Variants in MBOAT1 observed in about 807,000 individuals in gnomAD.
MBOAT1 encodes membrane bound glycerophospholipid O-acyltransferase 1.
In MBOAT1, 67 loss-of-function variants were observed where a neutral mutation model predicts 64.4. That is an observed-to-expected ratio of 1.04 (90% CI 0.85 to 1.27). MBOAT1 has a LOEUF of 1.27. Ranked by LOEUF, MBOAT1 falls within the 50% of genes most tolerant of loss-of-function variation. The pLI is 0.00. For synonymous variants in MBOAT1, 229 were observed against 218.9 expected, an observed-to-expected ratio of 1.05 and a Z score of -0.41; for missense variants, 563 against 604.6, an observed-to-expected ratio of 0.93 and a Z score of 0.72.
At position 20,102,279 on chromosome 6, in the gene MBOAT1, G is replaced by A. The variant is rs371867829; in HGVS notation, c.*7C>T. 1.2e-5 allele frequency: 19 copies of A among 1,612,564 alleles called. No individual in the cohort carries two copies. Among genetic ancestry groups the A allele is most frequent in the African/African-American group, 4.0e-5 (3 of 74,804 alleles). On this transcript the variant is annotated 3_prime_UTR_variant, in exon 13 of 13. Coordinates refer to ENST00000324607, the MANE Select transcript of MBOAT1 (RefSeq NM_001080480.3). Reference sequence around the variant, plus strand: ...CAGTTTTGCTTGTTCCGCTTCTCTTGGAGGTATCAATCTGTTTTTCTCTTA... The same window carrying A: ...CAGTTTTGCTTGTTCCGCTTCTCTTAGAGGTATCAATCTGTTTTTCTCTTA...
Position 20,111,838 on chromosome 6 carries a change from A to G in MBOAT1, c.1209+1038T>C, listed in dbSNP as rs999632587. Among the ~76,000 whole-genome samples the G allele has an allele frequency of 3.2e-3, 415 of 129,704 alleles. 6 individuals are homozygous for G. The highest frequency in any genetic ancestry group is 0.013 in the African/African-American group (392 of 29,992). 85.1% of individuals were successfully genotyped at this position (129,704 alleles called of 152,430 possible). A position where few individuals can be genotyped will look rare whatever the true frequency, so the allele number is the denominator to read the frequency against. Reference sequence around the variant, plus strand: ...TACATATATATACATATATATACACATATATATACATATATATATACATAT... The same window carrying G: ...TACATATATATACATATATATACACGTATATATACATATATATATACATAT... On this transcript the variant is annotated intron_variant, in intron 11 of 12. Transcript: ENST00000324607.
intron 1 of MBOAT1, among the ~76,000 whole-genome samples, chr6:20,177,791 AC>A (rs144290882): frequency 1.2e-3 from 73 of 59,138 alleles, no homozygotes; most frequent in African/African-American, 2.1e-3. Flanking sequence ...AAAAAAAAAA[AC>A]AAAAAACTTG....
At chr6:20,125,259 T>TA (rs1201104794) in intron 7 of MBOAT1, among the ~76,000 whole-genome samples, 2 of 151,984 alleles carry the variant, frequency 1.3e-5, no homozygotes, top group Admixed American at 6.5e-5. Flanking sequence ...TCCGACTTCA[T>TA]AAAAAAAAGA....
At chr6:20,157,924 G>A (rs1213836368) in intron 1 of MBOAT1, among the ~76,000 whole-genome samples, 1 of 152,008 alleles carries the variant, frequency 6.6e-6, no homozygotes, top group African/African-American at 2.4e-5. Flanking sequence ...GGGAGGCCAA[G>A]GCGCGCGGAT....
At chr6:20,179,740 T>C (rs1218372973) in intron 1 of MBOAT1, among the ~76,000 whole-genome samples, 1 of 152,214 alleles carries the variant, frequency 6.6e-6, no homozygotes, top group Non-Finnish European at 1.5e-5. Flanking sequence ...CACCACACTA[T>C]CTTCCACAAT....
rs778092455 is a variant in MBOAT1 at position 20,115,920 on chromosome 6, C to T, written c.1012-568G>A. On this transcript the variant is annotated intron_variant, in intron 9 of 12. Coordinates refer to ENST00000324607, the MANE Select transcript of MBOAT1 (RefSeq NM_001080480.3). ...GGAAAGGAAACAAATATCACCCAACCGGCAGTGGCGCAAGCAAATCAACCA... is the reference window on the plus strand; with the variant it reads ...GGAAAGGAAACAAATATCACCCAACTGGCAGTGGCGCAAGCAAATCAACCA... Among the ~76,000 whole-genome samples the T allele has an allele frequency of 3.2e-4, 48 of 151,916 alleles. 1 individual carries two copies. The highest frequency in any genetic ancestry group is 9.9e-4 in the African/African-American group (41 of 41,432).
At chr6:20,161,676 G>A (rs1027957650) in intron 1 of MBOAT1, among the ~76,000 whole-genome samples, 6 of 152,112 alleles carry the variant, frequency 3.9e-5, no homozygotes, top group South Asian at 2.1e-4. Flanking sequence ...AGAACAAAAC[G>A]GTTAAGTGCA....
chr6:20,184,765 C>T (rs1228027983), intron 1 of MBOAT1, among the ~76,000 whole-genome samples: 2 of 152,070 alleles, frequency 1.3e-5, no homozygotes, highest in East Asian at 3.9e-4. Context: ...CTTCCCTCAT[C>T]CTTACCCTCC....
At chr6:20,184,215 C>CACCCAT (rs1306239606) in intron 1 of MBOAT1, among the ~76,000 whole-genome samples, 1 of 152,196 alleles carries the variant, frequency 6.6e-6, no homozygotes, top group East Asian at 1.9e-4. Flanking sequence ...GCATCAGGCC[C>CACCCAT]ACCCATGAGG....
At chr6:20,203,090 G>C (rs1763167505) in intron 1 of MBOAT1, among the ~76,000 whole-genome samples, 1 of 152,154 alleles carries the variant, frequency 6.6e-6, no homozygotes. Flanking sequence ...GATCACTTAA[G>C]CCCAGGAGTT....
chr6:20,122,314 C>T (rs1412493762), intron 8 of MBOAT1, among the ~76,000 whole-genome samples: 1 of 152,112 alleles, frequency 6.6e-6, no homozygotes, highest in African/African-American at 2.4e-5. Flanking sequence ...ACTACTGAAC[C>T]TTCCCTAGTG....
At position 20,157,170 on chromosome 6, in the gene MBOAT1, T is replaced by C. The variant is rs528093119; in HGVS notation, c.100-4401A>G. ...AGCTGGGCATGATAGTGAAAGCCTG[T>C]AATCCTAGTTACTCAGGAGGCTGAG... On this transcript the variant is annotated intron_variant, in intron 1 of 12. Transcript: ENST00000324607. 5.0e-4 allele frequency among the ~76,000 whole-genome samples: 76 copies of C among 152,284 alleles called. 1 individual carries two copies. Among genetic ancestry groups the C allele is most frequent in the African/African-American group, 1.8e-3 (74 of 41,558 alleles).
chr6:20,152,339 T>TAAAAAA (rs67093680), intron 2 of MBOAT1, among the ~76,000 whole-genome samples: 11 of 136,068 alleles, frequency 8.1e-5, no homozygotes, highest in African/African-American at 3.0e-4. Flanking sequence ...AAAAAAAAAA[T>TAAAAAA]AAAAAATAAA....
chr6:20,177,584 TACCACG>T (rs886106007), intron 1 of MBOAT1, among the ~76,000 whole-genome samples: 2 of 151,900 alleles, frequency 1.3e-5, no homozygotes, highest in African/African-American at 4.8e-5. Flanking sequence ...CCATCATGGC[TACCACG>T]GTGAAACCCC....
chr6:20,128,025 C>T (rs116285586), intron 6 of MBOAT1, among the ~76,000 whole-genome samples: 1,573 of 152,272 alleles, frequency 0.01, 28 homozygotes, highest in African/African-American at 0.036. Flanking sequence ...TCAATCTCCT[C>T]TACCACCTGG....
At chr6:20,202,641 CA>C (rs1192939326) in intron 1 of MBOAT1, among the ~76,000 whole-genome samples, 20 of 151,164 alleles carry the variant, frequency 1.3e-4, no homozygotes, top group Non-Finnish European at 2.2e-4. Flanking sequence ...AATCACATTG[CA>C]AATAGGTTAA....
intron 1 of MBOAT1, among the ~76,000 whole-genome samples, chr6:20,159,058 C>T (rs890631735): frequency 1.3e-5 from 2 of 152,148 alleles, no homozygotes; most frequent in Non-Finnish European, 2.9e-5. Context: ...ATCCAGCAAT[C>T]ACACTTTTGG....
intron 1 of MBOAT1, among the ~76,000 whole-genome samples, chr6:20,205,190 T>G (rs1763227689): frequency 6.7e-6 from 1 of 149,828 alleles, no homozygotes; most frequent in Non-Finnish European, 1.5e-5. Flanking sequence ...CAGAGTGAGA[T>G]CCCATCTCAG....
chr6:20,208,747 G>GCA (rs1255753563), intron 1 of MBOAT1, among the ~76,000 whole-genome samples: 4 of 151,644 alleles, frequency 2.6e-5, no homozygotes, highest in South Asian at 4.2e-4. Context: ...CATACTTCAT[G>GCA]CACACACACA....
Sources: gnomAD v4.1 joint callset for allele counts (sites outside exome capture counted in the v4.1 genomes callset) on GRCh38, gnomAD v4.1.1 for gene constraint, MANE v1.5 for transcripts, NCBI Gene and HGNC (gene_info 2026-07-23, HGNC 2026-07-21) for gene names.